Variants in ELP1 observed in about 807,000 individuals in gnomAD.
ELP1 encodes the protein elongator acetyltransferase complex subunit 1.
Under a neutral mutation model 183.2 loss-of-function variants are expected in ELP1, and 131 were observed. The ratio of observed to expected loss-of-function variants is 0.72; its 90% CI spans 0.62 to 0.83. The LOEUF is 0.83. Among genes scored for constraint, ELP1 ranks in the 40% least tolerant of loss-of-function variants. ELP1 has a pLI of 0.00. For missense variants in ELP1, 1,550 were observed against 1,594.9 expected, an observed-to-expected ratio of 0.97 and a Z score of 0.48; for synonymous variants, 555 against 569.0, an observed-to-expected ratio of 0.98 and a Z score of 0.35.
intron 36 of ELP1, among the ~76,000 whole-genome samples, chr9:108,872,666 G>A (rs974371943): frequency 6.6e-6 from 1 of 150,826 alleles, no homozygotes; most frequent in South Asian, 2.1e-4. Flanking sequence ...TTAGCCGGGC[G>A]TGATGGCGGG....
chr9:108,919,206 A>C (rs1180263663), intron 7 of ELP1, 47 bp downstream of exon 7: 1 of 1,352,318 alleles, frequency 7.4e-7, no homozygotes, highest in Admixed American at 1.8e-5. Context: ...TAATTTTAAT[A>C]AGATAAAAAT....
intron 6 of ELP1, among the ~76,000 whole-genome samples, chr9:108,922,546 G>C (rs10979611): frequency 0.054 from 8,149 of 152,286 alleles, 335 homozygotes; most frequent in East Asian, 0.12. Context: ...GGGACATCGG[G>C]ACGGGATACA....
At chr9:108,930,029 C>CAA in intron 2 of ELP1, 108 bp from the exon 3 acceptor site, 1 of 1,284,372 alleles carries the variant, frequency 7.8e-7, no homozygotes, top group Non-Finnish European at 1.1e-6. Context: ...TAAAAGCTTT[C>CAA]AAAAATATTT....
intron 6 of ELP1, among the ~76,000 whole-genome samples, chr9:108,920,117 T>C (rs1319913730): frequency 1.8e-4 from 28 of 152,156 alleles, no homozygotes; most frequent in Non-Finnish European, 2.9e-5. Flanking sequence ...TTATATGAAA[T>C]AGAACTGGAA....
chr9:108,892,395 G>A lies in ELP1; in HGVS notation c.2958+591C>T, dbSNP rs553452400. On this transcript the variant is annotated intron_variant, in intron 27 of 36. Transcript: ENST00000374647. The stretch of plus-strand genomic sequence containing the variant: ...GGCAGGGGCTTGATCAAAGAAAGAT[G>A]TGTATATTGTCTGAGGACAAACTGA... Among the ~76,000 whole-genome samples the A allele has an allele frequency of 2.0e-5, 3 of 152,354 alleles. 1 individual carries two copies. Among genetic ancestry groups the A allele is most frequent in the African/African-American group, 7.2e-5 (3 of 41,578 alleles).
chr9:108,903,260 T>C (rs1262566392), intron 15 of ELP1, among the ~76,000 whole-genome samples: 1 of 151,864 alleles, frequency 6.6e-6, no homozygotes. Flanking sequence ...AGGTGTGTGA[T>C]GTTCTCCTTC....
intron 29 of ELP1, among the ~76,000 whole-genome samples, chr9:108,887,274 G>A (rs1160366167): frequency 2.0e-5 from 3 of 152,088 alleles, no homozygotes; most frequent in African/African-American, 4.8e-5. Flanking sequence ...TAAAAGACAA[G>A]TGAATTTTCT....
At chr9:108,902,159 G>A (rs1490742974) in intron 16 of ELP1, among the ~76,000 whole-genome samples, 1 of 152,140 alleles carries the variant, frequency 6.6e-6, no homozygotes, top group Non-Finnish European at 1.5e-5. Context: ...TGAATAAGAT[G>A]AGCTCTTGCT....
intron 27 of ELP1, among the ~76,000 whole-genome samples, 171 bp downstream of exon 27, chr9:108,892,815 T>C (rs1382594135): frequency 6.6e-6 from 1 of 152,108 alleles, no homozygotes; most frequent in Non-Finnish European, 1.5e-5. Flanking sequence ...AGATGAGGAA[T>C]CAGAGAACAG....
chr9:108,911,346 G>A lies in ELP1; in HGVS notation c.1190-166C>T, dbSNP rs149084199. The stretch of plus-strand genomic sequence containing the variant: ...TAAAAACAGTGTGGGATGGGGAAAT[G>A]TCATGGGTTCTGTCCATAATTGGCT... On this transcript the variant is annotated intron_variant, in intron 11 of 36. Coordinates refer to ENST00000374647, the MANE Select transcript of ELP1 (RefSeq NM_003640.5). Among the ~76,000 whole-genome samples the A allele has an allele frequency of 4.0e-4, 61 of 152,296 alleles. No individual in the cohort carries two copies. In the East Asian group the frequency reaches 8.7e-3, roughly 22 times the overall value.
intron 24 of ELP1, 149 bp from the exon 25 acceptor site, chr9:108,896,793 A>C (rs1433248889): frequency 3.7e-5 from 38 of 1,031,348 alleles, no homozygotes; most frequent in Non-Finnish European, 5.5e-5. Flanking sequence ...TATATGCTTT[A>C]GAGGGCAGCA....
chr9:108,916,914 T>C (rs1044404217), intron 9 of ELP1, among the ~76,000 whole-genome samples: 1 of 152,186 alleles, frequency 6.6e-6, no homozygotes, highest in Non-Finnish European at 1.5e-5. Flanking sequence ...CTTAATGGTA[T>C]ACAAACCACT....
At chr9:108,889,300 T>A in intron 29 of ELP1, 32 bp downstream of exon 29, 1 of 1,593,720 alleles carries the variant, frequency 6.3e-7, no homozygotes, top group Non-Finnish European at 8.6e-7. Flanking sequence ...TCTTGCTGAC[T>A]GGGGGGTTTA....
At chr9:108,916,142 T>C in intron 10 of ELP1, 62 bp downstream of exon 10, 1 of 1,235,184 alleles carries the variant, frequency 8.1e-7, no homozygotes. Flanking sequence ...GGAAATCCCA[T>C]ACCTGTCTAC....
Position 108,878,057 on chromosome 9 carries a change from A to C in ELP1, c.3793T>G (p.Leu1265Val). ...LQKAFEDTLQLMERSLPEIWT... is the reference protein window; with the variant it reads ...LQKAFEDTLQVMERSLPEIWT... Reference sequence around the variant, plus strand: ...ATTTCTGGAAGTGACCTTTCCATCAACTGCAGCGTATCTTCAAAGGCCTTC... The same window carrying C: ...ATTTCTGGAAGTGACCTTTCCATCACCTGCAGCGTATCTTCAAAGGCCTTC... Residue 1265 changes from leucine to valine, a missense_variant, in exon 35 of 37, where the codon TTG (leucine) becomes GTG (valine). Coordinates refer to ENST00000374647, the MANE Select transcript of ELP1 (RefSeq NM_003640.5). The C allele has an allele frequency of 1.2e-6, 2 of 1,614,088 alleles. No homozygotes were observed. The highest frequency in any genetic ancestry group is 1.7e-6 in the Non-Finnish European group (2 of 1,179,954).
At chr9:108,903,856 T>C (rs1020660027) in intron 14 of ELP1, among the ~76,000 whole-genome samples, 187 bp from the exon 15 acceptor site, 27 of 150,924 alleles carry the variant, frequency 1.8e-4, no homozygotes, top group Non-Finnish European at 1.6e-4. Context: ...CACACACTTA[T>C]ACACTTAGAG....
chr9:108,879,927 A>C lies in ELP1; in HGVS notation c.3460+125T>G, dbSNP rs1248049911. On this transcript the variant is annotated intron_variant, in intron 32 of 36. Transcript: ENST00000374647. ...GAGGGCCCTGAAGGGGCTCCACAGA[A>C]GCCTCACACTTGCCCATGGCACAGT... 5.4e-6 allele frequency: 4 copies of C among 736,914 alleles called. No individual in the cohort carries two copies. In the East Asian group the frequency reaches 1.0e-4, roughly 19 times the overall value. 45.6% of individuals were successfully genotyped at this position (736,914 alleles called of 1,614,324 possible). A position where few individuals can be genotyped will look rare whatever the true frequency, so the allele number is the denominator to read the frequency against.
intron 1 of ELP1, among the ~76,000 whole-genome samples, chr9:108,932,761 G>T (rs1203039120): frequency 6.6e-6 from 1 of 151,926 alleles, no homozygotes; most frequent in East Asian, 1.9e-4. Context: ...TTCTTTCCAG[G>T]CTAGGAAAGG....
chr9:108,930,033 A>C, intron 2 of ELP1, 112 bp from the exon 3 acceptor site: 1 of 1,275,296 alleles, frequency 7.8e-7, no homozygotes, highest in Non-Finnish European at 1.1e-6. Context: ...AGCTTTCAAA[A>C]ATATTTTTTC....
Sources: gnomAD v4.1 joint callset for allele counts (sites outside exome capture counted in the v4.1 genomes callset) on GRCh38, gnomAD v4.1.1 for gene constraint, MANE v1.5 for transcripts, NCBI Gene and HGNC (gene_info 2026-07-23, HGNC 2026-07-21) for gene names.